Variants in VPS8 observed in about 807,000 individuals in gnomAD.
VPS8 encodes vacuolar protein sorting-associated protein 8 homolog.
In VPS8, 129 loss-of-function variants were observed where a neutral mutation model predicts 216.4. The observed-to-expected ratio is 0.60, with a 90% confidence interval of 0.52 to 0.69. The LOEUF (loss-of-function observed/expected upper bound fraction) is 0.69. VPS8 is among the 30% of genes least tolerant of loss of function. VPS8 has a pLI of 0.00. For synonymous variants in VPS8, 571 were observed against 565.4 expected (o/e 1.01, Z -0.14); for missense variants, 1,531 against 1,683.5 (o/e 0.91, Z 1.59).
intron 21 of VPS8, among the ~76,000 whole-genome samples, chr3:184,879,933 ACT>A (rs1233671469): frequency 6.6e-6 from 1 of 152,014 alleles, no homozygotes; most frequent in African/African-American, 2.4e-5. Flanking sequence ...TTTAACTAAT[ACT>A]CTGTTTTACT....
chr3:184,828,646 C>T (rs753736048), intron 3 of VPS8, among the ~76,000 whole-genome samples: 17 of 152,160 alleles, frequency 1.1e-4, no homozygotes, highest in Non-Finnish European at 1.9e-4. Context: ...AAGACCAAGT[C>T]TTTGACCCTT....
intron 34 of VPS8, among the ~76,000 whole-genome samples, chr3:184,931,616 A>G (rs78752682): frequency 0.031 from 4,796 of 152,286 alleles, 265 homozygotes; most frequent in African/African-American, 0.11. Context: ...GAAAGGTAGT[A>G]TAGCCAGTCA....
intron 37 of VPS8, among the ~76,000 whole-genome samples, chr3:184,963,179 C>A (rs1458284756): frequency 6.6e-6 from 1 of 152,086 alleles, no homozygotes. Context: ...TAGTATTCCA[C>A]ATGAATTTGG....
intron 1 of VPS8, among the ~76,000 whole-genome samples, chr3:184,820,395 C>G (rs912655525): frequency 6.6e-6 from 1 of 152,200 alleles, no homozygotes; most frequent in East Asian, 1.9e-4. Flanking sequence ...TTCTGCCTCT[C>G]TCTTCCCCTT....
chr3:184,941,019 A>G (rs1229992952), intron 36 of VPS8, among the ~76,000 whole-genome samples: 1 of 152,216 alleles, frequency 6.6e-6, no homozygotes, highest in Admixed American at 6.5e-5. Flanking sequence ...ATGCACACCT[A>G]GAGTTAAGCA....
intron 25 of VPS8, among the ~76,000 whole-genome samples, chr3:184,902,519 G>A (rs1460058799): frequency 1.3e-5 from 2 of 151,178 alleles, no homozygotes; most frequent in Non-Finnish European, 1.5e-5. Context: ...TTGTCATTTA[G>A]GCTTTTGCTA....
At chr3:184,932,865 G>A (rs4515033) in intron 34 of VPS8, among the ~76,000 whole-genome samples, 67,218 of 152,064 alleles carry the variant, frequency 0.44, 15,561 homozygotes, top group Middle Eastern at 0.59. Context: ...ACTGCTGCTA[G>A]GCATTTCAGT....
chr3:184,856,394 C>G (rs1725262475), intron 14 of VPS8, among the ~76,000 whole-genome samples: 1 of 152,162 alleles, frequency 6.6e-6, no homozygotes, highest in Non-Finnish European at 1.5e-5. Context: ...GAAGGATATA[C>G]TGCAACTACT....
chr3:184,916,930 T>C (rs1026469864), intron 28 of VPS8, among the ~76,000 whole-genome samples: 11 of 152,212 alleles, frequency 7.2e-5, no homozygotes, highest in Admixed American at 2.0e-4. Flanking sequence ...GGTTGACAAA[T>C]ATTTGAGTGC....
At position 184,918,684 on chromosome 3, in the gene VPS8, T is replaced by C. The variant is rs995586177; in HGVS notation, c.2383-1443T>C. 1.3e-4 allele frequency among the ~76,000 whole-genome samples: 20 copies of C among 152,204 alleles called. 1 individual carries two copies. Among genetic ancestry groups the C allele is most frequent in the Non-Finnish European group, 2.8e-4 (19 of 68,018 alleles). On this transcript the variant is annotated intron_variant, in intron 28 of 47. Coordinates refer to ENST00000625842, the MANE Select transcript of VPS8 (RefSeq NM_001009921.3). ...TTTTTACTTGCTGTCACTGCCGTAG[T>C]TTTTAAATGCATGTGTTAATTCTCC...
intron 8 of VPS8, among the ~76,000 whole-genome samples, chr3:184,847,272 G>A (rs1052377366): frequency 4.6e-5 from 7 of 152,160 alleles, no homozygotes; most frequent in Non-Finnish European, 7.3e-5. Context: ...CATTTTATGA[G>A]CACAGAAAAG....
At chr3:184,989,354 T>C (rs933948514) in intron 42 of VPS8, among the ~76,000 whole-genome samples, 3 of 152,256 alleles carry the variant, frequency 2.0e-5, no homozygotes, top group African/African-American at 7.2e-5. Context: ...ATTTTCTGCA[T>C]CTGCTAATAT....
intron 22 of VPS8, among the ~76,000 whole-genome samples, chr3:184,887,529 C>T (rs1731512189): frequency 1.3e-5 from 2 of 151,914 alleles, no homozygotes; most frequent in African/African-American, 4.8e-5. Flanking sequence ...TTATCATCCA[C>T]ATTTTATATA....
intron 28 of VPS8, among the ~76,000 whole-genome samples, chr3:184,919,442 A>C (rs1738214743): frequency 6.6e-6 from 1 of 152,178 alleles, no homozygotes; most frequent in East Asian, 1.9e-4. Flanking sequence ...TTCTTCATAT[A>C]TACTATATGT....
chr3:184,908,590 G>T (rs114072800), intron 25 of VPS8, among the ~76,000 whole-genome samples: 3 of 152,342 alleles, frequency 2.0e-5, no homozygotes, highest in African/African-American at 7.2e-5. Flanking sequence ...CAGCTCGGTC[G>T]GCCTCTGGCC....
chr3:184,923,585 G>A (rs553381556), intron 29 of VPS8, among the ~76,000 whole-genome samples: 2 of 152,190 alleles, frequency 1.3e-5, no homozygotes, highest in South Asian at 2.1e-4. Flanking sequence ...GATGAACTCC[G>A]CTGGTGGAAC....
chr3:184,996,809 CGA>C (rs1561039581), intron 44 of VPS8, among the ~76,000 whole-genome samples: 1 of 152,092 alleles, frequency 6.6e-6, no homozygotes, highest in Non-Finnish European at 1.5e-5. Context: ...TTGAGCAGAA[CGA>C]GAGAGGGAGG....
At chr3:184,896,672 A>G (rs1733546039) in intron 23 of VPS8, among the ~76,000 whole-genome samples, 1 of 152,202 alleles carries the variant, frequency 6.6e-6, no homozygotes, top group African/African-American at 2.4e-5. Flanking sequence ...TGTTTACTGA[A>G]TGTCAGGCTC....
intron 34 of VPS8, among the ~76,000 whole-genome samples, chr3:184,932,776 C>T (rs184567647): frequency 1.3e-5 from 2 of 152,246 alleles, no homozygotes; most frequent in African/African-American, 4.8e-5. Flanking sequence ...GAAGATTTTA[C>T]CTTTTGTTTT....
Sources: gnomAD v4.1 joint callset for allele counts (sites outside exome capture counted in the v4.1 genomes callset) on GRCh38, gnomAD v4.1.1 for gene constraint, MANE v1.5 for transcripts, NCBI Gene and HGNC (gene_info 2026-07-23, HGNC 2026-07-21) for gene names.